PDE6B: variants seen among roughly 807,000 people sequenced by gnomAD.
The protein encoded by PDE6B is rod cGMP-specific 3',5'-cyclic phosphodiesterase subunit beta.
Under a neutral mutation model 109.0 loss-of-function variants are expected in PDE6B, and 106 were observed. That is an observed-to-expected ratio of 0.97 (90% CI 0.83 to 1.14). The LOEUF is 1.14. Among genes scored for constraint, PDE6B ranks in the 50% most tolerant of loss-of-function variants. The probability of loss-of-function intolerance (pLI) is 0.00; values close to 1 mark genes in which losing one functional copy is unlikely to be tolerated. For synonymous variants in PDE6B, 490 were observed against 471.3 expected (o/e 1.04, Z -0.51); for missense variants, 1,193 against 1,155.6 (o/e 1.03, Z -0.47).
intron 17 of PDE6B, among the ~76,000 whole-genome samples, chr4:664,423 C>T (rs575079332): frequency 1.2e-4 from 18 of 152,312 alleles, no homozygotes; most frequent in African/African-American, 3.8e-4. Context: ...CTGGGGAGCA[C>T]ACAGGCCCTG....
chr4:633,685 C>G lies in PDE6B; in HGVS notation c.469-992C>G, dbSNP rs985093286. Among the ~76,000 whole-genome samples, 1 of 152,208 alleles carries G rather than the reference C, an allele frequency of 6.6e-6. No individual in the cohort carries two copies. Among genetic ancestry groups the G allele is most frequent in the Non-Finnish European group, 1.5e-5 (1 of 68,030 alleles). On this transcript the variant is annotated intron_variant, in intron 1 of 21. Coordinates refer to ENST00000496514, the MANE Select transcript of PDE6B (RefSeq NM_000283.4). This position sits in a 1 kb window ranked among gnomAD's most constrained non-coding sequence, Gnocchi z 4.5. Reference sequence around the variant, plus strand: ...AGAAGGCCACAGAACCACCCTGTGCCCACTGCAGGTCGCACAGGTGGGAAG... The same window carrying G: ...AGAAGGCCACAGAACCACCCTGTGCGCACTGCAGGTCGCACAGGTGGGAAG...
At position 663,626 on chromosome 4, in the gene PDE6B, C is replaced by G; in HGVS notation, c.1921-144C>G. 2 of 699,146 alleles carry G rather than the reference C, an allele frequency of 2.9e-6. No individual in the cohort carries two copies. The highest frequency in any genetic ancestry group is 5.2e-6 in the Non-Finnish European group (2 of 381,176). The allele number at this position is 699,146 out of a possible 1,614,324, so 43.3% of individuals were successfully genotyped here. On this transcript the variant is annotated intron_variant, in intron 15 of 21. Coordinates refer to ENST00000496514, the MANE Select transcript of PDE6B (RefSeq NM_000283.4). This position sits in a 1 kb window ranked among gnomAD's most constrained non-coding sequence, Gnocchi z 4.0. ...GCACCCTGAGGAGGGCCCTGAGCAG[C>G]AGGCGGATTAGGGGTCCCGCCCACC...
intron 1 of PDE6B, among the ~76,000 whole-genome samples, chr4:632,174 G>A (rs748354332): frequency 2.0e-5 from 3 of 152,108 alleles, no homozygotes; most frequent in Admixed American, 1.3e-4. Flanking sequence ...CAGGTGTCAC[G>A]CTGTGATCTG....
In PDE6B at chr4:663,910, G is replaced by A. The variant is rs920443878; in HGVS notation, c.2021+40G>A. ...GGAGGGGGCGCCTCGCGGGGCGGGCGGGTAGCCTGGGACCCCCGGCAGACA... is the reference window on the plus strand; with the variant it reads ...GGAGGGGGCGCCTCGCGGGGCGGGCAGGTAGCCTGGGACCCCCGGCAGACA... On this transcript the variant is annotated intron_variant, in intron 16 of 21. Transcript: ENST00000496514. The surrounding 1 kb of genome is among the most constrained non-coding windows in gnomAD (Gnocchi z 4.0). 4.8e-6 allele frequency: 7 copies of A among 1,459,674 alleles called. No individual in the cohort carries two copies. Among genetic ancestry groups the A allele is most frequent in the Admixed American group, 1.8e-5 (1 of 55,448 alleles). The allele number at this position is 1,459,674 out of a possible 1,614,324, so 90.4% of individuals were successfully genotyped here.
At chr4:660,166 G>A (rs1736894666) in intron 11 of PDE6B, among the ~76,000 whole-genome samples, 1 of 152,232 alleles carries the variant, frequency 6.6e-6, no homozygotes, top group South Asian at 2.1e-4. Context: ...ATCCGTGTGT[G>A]TGTGTGTTTC....
At chr4:657,555 G>A (rs1163418262) in intron 10 of PDE6B, 61 bp downstream of exon 10, 3 of 1,544,672 alleles carry the variant, frequency 1.9e-6, no homozygotes, top group Non-Finnish European at 2.7e-6. Flanking sequence ...GCAGGGGCAG[G>A]TCGTCCAGGG....
chr4:662,284 G>A lies in PDE6B; in HGVS notation c.1722+43G>A. Reference sequence around the variant, plus strand: ...TCACCAGGGTTGTGCAGGCCCTCCTGGTACCAAGGGCAGCACTCAAGCACC... The same window carrying A: ...TCACCAGGGTTGTGCAGGCCCTCCTAGTACCAAGGGCAGCACTCAAGCACC... On this transcript the variant is annotated intron_variant, in intron 13 of 21. Transcript: ENST00000496514. This position sits in a 1 kb window ranked among gnomAD's most constrained non-coding sequence, Gnocchi z 4.3. 6 of 1,151,398 alleles carry A rather than the reference G, an allele frequency of 5.2e-6. No homozygotes were observed. The South Asian group carries it at 6.6e-5, about 13-fold the overall frequency. 71.3% of individuals were successfully genotyped at this position (1,151,398 alleles called of 1,614,324 possible). A position where few individuals can be genotyped will look rare whatever the true frequency, so the allele number is the denominator to read the frequency against.
intron 10 of PDE6B, among the ~76,000 whole-genome samples, chr4:658,245 G>T (rs1157998128): frequency 7.4e-6 from 1 of 135,852 alleles, no homozygotes; most frequent in Non-Finnish European, 1.6e-5. Flanking sequence ...TGGATCTGTG[G>T]CAGGGACAGG....
intron 3 of PDE6B, among the ~76,000 whole-genome samples, chr4:639,148 G>GT (rs35691873): frequency 4.6e-4 from 68 of 147,200 alleles, no homozygotes; most frequent in Non-Finnish European, 5.0e-4. Context: ...TTTGGGGGGT[G>GT]TTTTTTTTTT....
intron 21 of PDE6B, among the ~76,000 whole-genome samples, chr4:669,145 TGCTGC>T (rs1738159831): frequency 2.4e-3 from 1 of 422 alleles, no homozygotes; most frequent in Non-Finnish European, 4.7e-3. Context: ...CCCTACCCCA[TGCTGC>T]TCCCACTACC....
At chr4:628,010 G>A (rs1577236931) in intron 1 of PDE6B, among the ~76,000 whole-genome samples, 1 of 152,176 alleles carries the variant, frequency 6.6e-6, no homozygotes, top group East Asian at 1.9e-4. Context: ...ACCTGCCCCA[G>A]GACTGACCTC....
intron 3 of PDE6B, chr4:653,545 T>C: frequency 2.0e-6 from 1 of 508,228 alleles, no homozygotes; most frequent in Non-Finnish European, 3.6e-6. Flanking sequence ...GAGGAAGGGC[T>C]GGTCGGATGT....
At chr4:643,123 C>A (rs574515248) in intron 3 of PDE6B, among the ~76,000 whole-genome samples, 1 of 152,134 alleles carries the variant, frequency 6.6e-6, no homozygotes, top group East Asian at 1.9e-4. Context: ...TCCTGGCCAA[C>A]ATGGTGAAAC....
At position 663,586 on chromosome 4, in the gene PDE6B, C is replaced by T. The variant is rs1296121513; in HGVS notation, c.1921-184C>T. ...GCGTCCCAAGCCGACGATGGAGCCG[C>T]TGGTGGAGAGCTGGGCACCCTGAGG... On this transcript the variant is annotated intron_variant, in intron 15 of 21. Transcript: ENST00000496514. This position sits in a 1 kb window ranked among gnomAD's most constrained non-coding sequence, Gnocchi z 4.0. 9.5e-6 allele frequency: 6 copies of T among 633,632 alleles called. No homozygotes were observed. The highest frequency in any genetic ancestry group is 9.1e-5 in the African/African-American group (5 of 54,856). 39.3% of individuals were successfully genotyped at this position (633,632 alleles called of 1,614,324 possible).
intron 3 of PDE6B, among the ~76,000 whole-genome samples, chr4:640,975 G>C (rs899766031): frequency 6.6e-6 from 1 of 152,168 alleles, no homozygotes; most frequent in Non-Finnish European, 1.5e-5. Context: ...GAATGTCAGC[G>C]CTCTAGTTGT....
At position 648,805 on chromosome 4, in the gene PDE6B, C is replaced by T. The variant is rs1347329672; in HGVS notation, c.712-5047C>T. On this transcript the variant is annotated intron_variant, in intron 3 of 21. Transcript: ENST00000496514. This position sits in a 1 kb window ranked among gnomAD's most constrained non-coding sequence, Gnocchi z 4.5. The stretch of plus-strand genomic sequence containing the variant: ...GCATGAAAGGCCTGTGGGTGCAGGG[C>T]TGCAGCTCTCACCTTCAGGCCGGCC... 2.6e-5 allele frequency among the ~76,000 whole-genome samples: 4 copies of T among 152,248 alleles called. No individual in the cohort carries two copies. Among genetic ancestry groups the T allele is most frequent in the Non-Finnish European group, 4.4e-5 (3 of 68,046 alleles).
chr4:659,622 A>G (rs572681006), intron 11 of PDE6B, among the ~76,000 whole-genome samples: 11 of 145,778 alleles, frequency 7.5e-5, no homozygotes, highest in Admixed American at 2.7e-4. Flanking sequence ...CATTGTATGA[A>G]TGTGCACATG....
chr4:646,765 C>T (rs111883507), intron 3 of PDE6B, among the ~76,000 whole-genome samples: 2 of 152,180 alleles, frequency 1.3e-5, no homozygotes, highest in Admixed American at 6.5e-5. Flanking sequence ...CCTTGTCCTT[C>T]CCAGAGCGTC....
chr4:668,063 GAA>G, intron 21 of PDE6B, 57 bp downstream of exon 21: 1 of 1,509,474 alleles, frequency 6.6e-7, no homozygotes, highest in African/African-American at 1.4e-5. Flanking sequence ...AAGGCAAAAT[GAA>G]AAGACAGGGC....
Sources: allele counts gnomAD v4.1 joint callset (sites outside exome capture counted in the v4.1 genomes callset), GRCh38; gene constraint gnomAD v4.1.1; non-coding constraint Gnocchi (gnomAD v3.1); transcripts MANE v1.5; gene names NCBI Gene and HGNC (gene_info 2026-07-23, HGNC 2026-07-21).